The following JMJD1C variants were observed in gnomAD, a reference collection of about 807,000 sequenced individuals.
JMJD1C encodes the protein jumonji domain containing 1C, also known as jumonji domain-containing protein 1C.
JMJD1C carries 31 observed loss-of-function variants against 245.3 expected under a neutral mutation model. That is an observed-to-expected ratio of 0.13 (90% CI 0.09 to 0.17). The LOEUF is 0.17. Among genes scored for constraint, JMJD1C ranks in the 10% least tolerant of loss-of-function variants. The pLI is 1.00. For missense variants in JMJD1C, 2,691 were observed against 3,000.2 expected, an observed-to-expected ratio of 0.90 and a Z score of 2.41; for synonymous variants, 1,057 against 1,017.4, an observed-to-expected ratio of 1.04 and a Z score of -0.74.
chr10:63,198,702 C>T lies in JMJD1C; in HGVS notation c.5302G>A (p.Val1768Ile). ...RRLSFSKNGV[V>I]RIDGFSSPDQ... ...GGAGAAGAGAAACCATCTATTCTAA[C>T]TACTCCGTTTTTACTAAATGACAAC... The change falls in exon 12 of 26, where the codon GTT (valine) becomes ATT (isoleucine). Residue 1768 changes from valine to isoleucine, a missense_variant. Val to Ile is a conservative substitution (Grantham distance 29, BLOSUM62 3). This residue lies in a region of JMJD1C where 139 missense variants were observed against 270.5 expected (regional missense o/e 0.51). Coordinates refer to ENST00000399262, the MANE Select transcript of JMJD1C (RefSeq NM_032776.3). The T allele has an allele frequency of 6.2e-7, 1 of 1,604,984 alleles. No individual in the cohort carries two copies. The highest frequency in any genetic ancestry group is 8.5e-7 in the Non-Finnish European group (1 of 1,176,066).
intron 2 of JMJD1C, among the ~76,000 whole-genome samples, chr10:63,279,176 C>A (rs541691475): frequency 6.6e-6 from 1 of 150,810 alleles, no homozygotes. Flanking sequence ...CTTGAACCCA[C>A]GAGGCAGAGG....
In JMJD1C at chr10:63,284,646, C is replaced by T. The variant is rs118002020; in HGVS notation, c.334-19882G>A. On this transcript the variant is annotated intron_variant, in intron 2 of 25. Coordinates refer to ENST00000399262, the MANE Select transcript of JMJD1C (RefSeq NM_032776.3). ...TTCTGGTGACAAAAACATCATTAAA[C>T]TTCGAAATAAGGACTCAAAGCACAT... 3.9e-5 allele frequency among the ~76,000 whole-genome samples: 6 copies of T among 152,208 alleles called. No homozygotes were observed. The East Asian group carries it at 1.2e-3, about 29-fold the overall frequency.
intron 13 of JMJD1C, among the ~76,000 whole-genome samples, chr10:63,197,199 CAT>C (rs1233244725): frequency 7.2e-5 from 11 of 152,084 alleles, no homozygotes; most frequent in African/African-American, 2.7e-4. Context: ...TGGATATACT[CAT>C]GAGGCTGATG....
At chr10:63,303,954 T>C (rs978226258) in intron 2 of JMJD1C, among the ~76,000 whole-genome samples, 4 of 152,152 alleles carry the variant, frequency 2.6e-5, no homozygotes, top group Admixed American at 2.6e-4. Context: ...TCAGAAGGAA[T>C]AGTAAGGATA....
intron 1 of JMJD1C, among the ~76,000 whole-genome samples, chr10:63,473,493 C>T (rs142996767): frequency 6.7e-4 from 102 of 151,890 alleles, no homozygotes; most frequent in African/African-American, 2.0e-3. Flanking sequence ...GTGATCCTCC[C>T]ACCTTGGCCT....
At chr10:63,305,517 C>G (rs112388075) in intron 2 of JMJD1C, among the ~76,000 whole-genome samples, 45 of 97,552 alleles carry the variant, frequency 4.6e-4, no homozygotes, top group African/African-American at 1.1e-3. Context: ...CTGACCCTCT[C>G]TCTCTCTCTC....
chr10:63,326,798 G>C (rs573745263), intron 2 of JMJD1C, among the ~76,000 whole-genome samples: 2 of 152,314 alleles, frequency 1.3e-5, no homozygotes, highest in African/African-American at 4.8e-5. Context: ...AGAATTGCTT[G>C]AACCCAGGAA....
chr10:63,234,493 TAA>T (rs71025129), intron 3 of JMJD1C, among the ~76,000 whole-genome samples: 30 of 37,032 alleles, frequency 8.1e-4, no homozygotes, highest in African/African-American at 1.2e-3. Flanking sequence ...AACCTCCTCT[TAA>T]AAAAAAAAAA....
chr10:63,185,757 A>G (rs1353805045), intron 19 of JMJD1C, 104 bp from the exon 20 acceptor site: 1 of 706,902 alleles, frequency 1.4e-6, no homozygotes, highest in African/African-American at 1.8e-5. Context: ...ATTGTTGCAC[A>G]TTACATGCTT....
intron 2 of JMJD1C, among the ~76,000 whole-genome samples, chr10:63,337,195 C>A (rs1942823823): frequency 6.6e-6 from 1 of 151,750 alleles, no homozygotes; most frequent in Non-Finnish European, 1.5e-5. Context: ...ATCATAGAAA[C>A]TCCACCATTG....
chr10:63,309,699 A>G (rs1938874653), intron 2 of JMJD1C, among the ~76,000 whole-genome samples: 1 of 151,794 alleles, frequency 6.6e-6, no homozygotes, highest in Non-Finnish European at 1.5e-5. Flanking sequence ...CGAGCGGATC[A>G]CGAGGTCTGG....
intron 3 of JMJD1C, among the ~76,000 whole-genome samples, chr10:63,247,286 A>G (rs1852344907): frequency 6.6e-6 from 1 of 152,118 alleles, no homozygotes. Context: ...CAGAAATACA[A>G]AGACTCATTA....
At chr10:63,328,638 C>G (rs569939023) in intron 2 of JMJD1C, among the ~76,000 whole-genome samples, 1 of 152,340 alleles carries the variant, frequency 6.6e-6, no homozygotes, top group South Asian at 2.1e-4. Flanking sequence ...CAACTTTCAT[C>G]TGAAACTAAA....
At chr10:63,433,062 C>A (rs1216122141) in intron 1 of JMJD1C, among the ~76,000 whole-genome samples, 1 of 151,974 alleles carries the variant, frequency 6.6e-6, no homozygotes, top group Non-Finnish European at 1.5e-5. Flanking sequence ...ATACATGGAT[C>A]TCAAACAAGG....
chr10:63,512,763 C>T (rs534199286), intron 1 of JMJD1C, among the ~76,000 whole-genome samples: 26 of 152,252 alleles, frequency 1.7e-4, no homozygotes, highest in Admixed American at 1.6e-3. Context: ...TCAGTTATTA[C>T]TTAAAATATT....
chr10:63,511,583 G>T (rs1251506568), intron 1 of JMJD1C, among the ~76,000 whole-genome samples: 1 of 152,066 alleles, frequency 6.6e-6, no homozygotes, highest in Non-Finnish European at 1.5e-5. Context: ...AGTGGCAGGC[G>T]CCTGTAATCC....
intron 1 of JMJD1C, among the ~76,000 whole-genome samples, chr10:63,419,792 C>G (rs1950012446): frequency 1.4e-5 from 2 of 144,778 alleles, no homozygotes; most frequent in South Asian, 4.4e-4. Context: ...CAATCCCTAT[C>G]ACCAGGCACC....
At chr10:63,372,103 A>C (rs1946364363) in intron 2 of JMJD1C, among the ~76,000 whole-genome samples, 1 of 152,248 alleles carries the variant, frequency 6.6e-6, no homozygotes, top group South Asian at 2.1e-4. Flanking sequence ...AAGAGCAGTG[A>C]ACTCTATTCT....
At chr10:63,291,122 C>A (rs765911776) in intron 2 of JMJD1C, among the ~76,000 whole-genome samples, 1 of 147,904 alleles carries the variant, frequency 6.8e-6, no homozygotes, top group African/African-American at 2.5e-5. Flanking sequence ...CTGGCTAACA[C>A]GGTGAAACTC....
Sources: allele counts gnomAD v4.1 joint callset (sites outside exome capture counted in the v4.1 genomes callset), GRCh38; gene constraint gnomAD v4.1.1; regional missense constraint gnomAD v4.1.1; transcripts MANE v1.5; gene names NCBI Gene and HGNC (gene_info 2026-07-23, HGNC 2026-07-21).